The following TBX15 variants were observed in gnomAD, a reference collection of about 807,000 sequenced individuals.
TBX15 encodes T-box transcription factor 15, also known as T-box transcription factor TBX15.
TBX15 carries 18 observed loss-of-function variants against 53.9 expected under a neutral mutation model. The observed-to-expected ratio is 0.33, with a 90% CI of 0.23 to 0.49. The LOEUF is 0.49. Ranked by LOEUF, TBX15 falls within the 20% of genes least tolerant of loss-of-function variation. TBX15 has a pLI of 0.98. For synonymous variants in TBX15, 295 were observed against 278.0 expected (o/e 1.06, Z -0.61); for missense variants, 692 against 749.5 (o/e 0.92, Z 0.90).
intron 1 of TBX15, among the ~76,000 whole-genome samples, chr1:118,978,473 A>G (rs1049185780): frequency 6.6e-6 from 1 of 152,236 alleles, no homozygotes; most frequent in African/African-American, 2.4e-5. Context: ...CAAATGAGGC[A>G]CTGAGGCCTC....
chr1:118,983,595 G>A (rs1046426445), intron 1 of TBX15, among the ~76,000 whole-genome samples: 3 of 152,200 alleles, frequency 2.0e-5, no homozygotes, highest in Non-Finnish European at 4.4e-5. Flanking sequence ...CTTACCAAAA[G>A]GGTGACCTCC....
chr1:118,939,547 A>T (rs1327141692), intron 1 of TBX15, among the ~76,000 whole-genome samples: 1 of 151,844 alleles, frequency 6.6e-6, no homozygotes, highest in African/African-American at 2.4e-5. Context: ...AGACTGCTAG[A>T]TGGTGGAAGA....
intron 1 of TBX15, among the ~76,000 whole-genome samples, chr1:118,949,342 A>T (rs1026854960): frequency 6.6e-6 from 1 of 152,226 alleles, no homozygotes; most frequent in African/African-American, 2.4e-5. Context: ...TTCCAGAGGC[A>T]TCTGAGAGGC....
At chr1:118,932,686 A>G (rs888035642) in intron 1 of TBX15, among the ~76,000 whole-genome samples, 2 of 152,124 alleles carry the variant, frequency 1.3e-5, no homozygotes, top group African/African-American at 2.4e-5. Flanking sequence ...TTCTGTACTC[A>G]TGAAGACAAG....
intron 7 of TBX15, among the ~76,000 whole-genome samples, chr1:118,898,572 T>C (rs932181742): frequency 2.6e-5 from 4 of 152,122 alleles, no homozygotes; most frequent in African/African-American, 9.7e-5. Flanking sequence ...CAGATAGGCT[T>C]GCAGCAGCCC....
At chr1:118,923,833 T>C (rs1192342842) in intron 4 of TBX15, among the ~76,000 whole-genome samples, 1 of 152,182 alleles carries the variant, frequency 6.6e-6, no homozygotes, top group African/African-American at 2.4e-5. Flanking sequence ...AAAAGTAATA[T>C]GTTTGCTTCA....
Position 118,930,712 on chromosome 1 carries a change from G to A in TBX15, c.419+907C>T, listed in dbSNP as rs562248785. Among the ~76,000 whole-genome samples, 62 of 152,292 alleles carry A rather than the reference G, an allele frequency of 4.1e-4. 1 individual carries two copies. The South Asian group carries it at 4.2e-3, about 10-fold the overall frequency. ...ATCACAGGCGTGAGCCACCGTGCCC[G>A]GCCCAAATTTAATTTTATCTAAATC... On this transcript the variant is annotated intron_variant, in intron 2 of 7. Transcript: ENST00000369429.
In TBX15 at chr1:118,946,469, T is replaced by C. The variant is rs138752418; in HGVS notation, c.206-14637A>G. Among the ~76,000 whole-genome samples the C allele has an allele frequency of 2.0e-5, 3 of 152,182 alleles. No individual in the cohort carries two copies. The East Asian group carries it at 5.8e-4, about 29-fold the overall frequency. ...CTTTAAAAGGCCTTAAGGACTACAC[T>C]GGTTTGATAGGTTTTCTTCAAGTGT... On this transcript the variant is annotated intron_variant, in intron 1 of 7. Transcript: ENST00000369429.
chr1:118,982,358 A>AT (rs1219096279), intron 1 of TBX15, among the ~76,000 whole-genome samples: 1 of 152,208 alleles, frequency 6.6e-6, no homozygotes, highest in East Asian at 1.9e-4. Context: ...TCATCTTATA[A>AT]TTTTTTTGGC....
At chr1:118,966,780 GAATAA>G (rs1657046777) in intron 1 of TBX15, among the ~76,000 whole-genome samples, 1 of 152,162 alleles carries the variant, frequency 6.6e-6, no homozygotes, top group South Asian at 2.1e-4. Context: ...GTTTTTGAGA[GAATAA>G]AATAAAATTG....
At chr1:118,924,466 T>C (rs1385855743) in intron 4 of TBX15, among the ~76,000 whole-genome samples, 180 bp downstream of exon 4, 2 of 152,226 alleles carry the variant, frequency 1.3e-5, no homozygotes, top group Non-Finnish European at 2.9e-5. Context: ...TGCTAAATGT[T>C]AGATTTGTAA....
chr1:118,979,112 C>G (rs1001232949), intron 1 of TBX15, among the ~76,000 whole-genome samples: 1 of 152,214 alleles, frequency 6.6e-6, no homozygotes, highest in Non-Finnish European at 1.5e-5. Flanking sequence ...CAAAGGGAAG[C>G]CATTCCCGCC....
At chr1:118,900,010 A>G (rs115054559) in intron 6 of TBX15, among the ~76,000 whole-genome samples, 1,650 of 152,284 alleles carry the variant, frequency 0.011, 31 homozygotes, top group African/African-American at 0.038. Flanking sequence ...GATTATTGAG[A>G]TTATCTCAGA....
chr1:118,987,835 C>T lies in TBX15; in HGVS notation c.-40G>A, dbSNP rs1235219428. 1 of 1,544,056 alleles carries T rather than the reference C, an allele frequency of 6.5e-7. No individual in the cohort carries two copies. Among genetic ancestry groups the T allele is most frequent in the Non-Finnish European group, 8.7e-7 (1 of 1,143,996 alleles). ...CCCCTGCCTCCGCTTGCCCCCGCTA[C>T]CGAGGGAGCAGCCGGCGCCCTCAAG... On this transcript the variant is annotated 5_prime_UTR_variant, in exon 1 of 8. Coordinates refer to ENST00000369429, the MANE Select transcript of TBX15 (RefSeq NM_001330677.2).
intron 2 of TBX15, 77 bp from the exon 3 acceptor site, chr1:118,926,688 G>T: frequency 7.9e-7 from 1 of 1,267,920 alleles, no homozygotes; most frequent in East Asian, 2.4e-5. Flanking sequence ...AAACAATGTG[G>T]GTTTTTTTGT....
chr1:118,895,106 C>T (rs980338926), intron 7 of TBX15, among the ~76,000 whole-genome samples: 1 of 152,120 alleles, frequency 6.6e-6, no homozygotes, highest in African/African-American at 2.4e-5. Flanking sequence ...TGATCGGTAG[C>T]TGATCCCTCT....
At chr1:118,920,403 C>G (rs1043213394) in intron 5 of TBX15, among the ~76,000 whole-genome samples, 1 of 152,066 alleles carries the variant, frequency 6.6e-6, no homozygotes, top group Non-Finnish European at 1.5e-5. Context: ...AAGGGAAGGG[C>G]ATTCCTGGAA....
rs575239255 is a variant in TBX15, at chr1:118,928,951, CTCT to C, written c.420-2343_420-2341del. Among the ~76,000 whole-genome samples, 29 of 152,326 alleles carry C rather than the reference CTCT, an allele frequency of 1.9e-4. No homozygotes were observed. The East Asian group carries it at 5.4e-3, about 28-fold the overall frequency. On this transcript the variant is annotated intron_variant, in intron 2 of 7. Coordinates refer to ENST00000369429, the MANE Select transcript of TBX15 (RefSeq NM_001330677.2). ...AAAATTCTGTGACTACCTTTGAATTCTCTTCTTAAAAACTTCGCAAGCCTTTTT... is the reference window on the plus strand; with the variant it reads ...AAAATTCTGTGACTACCTTTGAATTCTCTTAAAAACTTCGCAAGCCTTTTT...
chr1:118,950,287 T>C (rs1017483353), intron 1 of TBX15, among the ~76,000 whole-genome samples: 1 of 152,190 alleles, frequency 6.6e-6, no homozygotes, highest in Non-Finnish European at 1.5e-5. Context: ...TCTGGCTTCA[T>C]TGGGACAGGC....
Sources: allele counts gnomAD v4.1 joint callset (sites outside exome capture counted in the v4.1 genomes callset), GRCh38; gene constraint gnomAD v4.1.1; transcripts MANE v1.5; gene names NCBI Gene and HGNC (gene_info 2026-07-23, HGNC 2026-07-21).